Variants in IMMP2L observed in about 807,000 individuals in gnomAD.
The protein encoded by IMMP2L is inner mitochondrial membrane peptidase subunit 2.
IMMP2L carries 18 observed loss-of-function variants against 19.3 expected under a neutral mutation model. The ratio of observed to expected loss-of-function variants is 0.93; its 90% CI spans 0.64 to 1.38. The LOEUF is 1.38. IMMP2L is among the 40% of genes most tolerant of loss of function. IMMP2L has a pLI of 0.00. For synonymous variants in IMMP2L, 76 were observed against 73.0 expected, an observed-to-expected ratio of 1.04 and a Z score of -0.21; for missense variants, 233 against 218.2, an observed-to-expected ratio of 1.07 and a Z score of -0.43.
chr7:110,996,515 C>T (rs1183755268), intron 3 of IMMP2L, among the ~76,000 whole-genome samples: 1 of 152,076 alleles, frequency 6.6e-6, no homozygotes, highest in Non-Finnish European at 1.5e-5. Flanking sequence ...GCTTTATTGT[C>T]ACTGTTAAGA....
At chr7:111,493,398 C>CT (rs917472858) in intron 2 of IMMP2L, among the ~76,000 whole-genome samples, 18 of 152,082 alleles carry the variant, frequency 1.2e-4, no homozygotes, top group African/African-American at 4.3e-4. Context: ...AAAACAAAAG[C>CT]TTTATTAAAA....
At chr7:110,836,653 C>T (rs1312381784) in intron 5 of IMMP2L, among the ~76,000 whole-genome samples, 14 of 152,098 alleles carry the variant, frequency 9.2e-5, no homozygotes. Context: ...CAGACTAATA[C>T]ACCTCATAAA....
At chr7:110,908,357 C>T (rs1249736087) in intron 4 of IMMP2L, among the ~76,000 whole-genome samples, 2 of 152,100 alleles carry the variant, frequency 1.3e-5, no homozygotes, top group East Asian at 3.9e-4. Flanking sequence ...AACATCTTTC[C>T]TTTAACATGA....
chr7:111,465,325 A>G (rs1320915937), intron 3 of IMMP2L, among the ~76,000 whole-genome samples: 2 of 151,928 alleles, frequency 1.3e-5, no homozygotes, highest in Non-Finnish European at 2.9e-5. Context: ...GTCAAACACT[A>G]CACTCCCACT....
chr7:110,975,879 T>C (rs1048356844), intron 3 of IMMP2L, among the ~76,000 whole-genome samples: 47 of 152,174 alleles, frequency 3.1e-4, no homozygotes, highest in Non-Finnish European at 1.0e-4. Flanking sequence ...TGCTTACTTT[T>C]AGTCACATTA....
At position 111,198,428 on chromosome 7, in the gene IMMP2L, T is replaced by C. The variant is rs111390640; in HGVS notation, c.240-234863A>G. Among the ~76,000 whole-genome samples, 522 of 152,258 alleles carry C rather than the reference T, an allele frequency of 3.4e-3. 1 individual carries two copies. The highest frequency in any genetic ancestry group is 0.012 in the African/African-American group (494 of 41,538). On this transcript the variant is annotated intron_variant, in intron 3 of 5. Coordinates refer to ENST00000405709, the MANE Select transcript of IMMP2L (RefSeq NM_032549.4). ...CCCGTACAAGCAGTTATTATTACCC[T>C]ATGGGCTGCTGTGTGGATCAACTTA...
At position 110,728,246 on chromosome 7, in the gene IMMP2L, C is replaced by T. The variant is rs117869132; in HGVS notation, c.409-64525G>A. 5.3e-5 allele frequency among the ~76,000 whole-genome samples: 8 copies of T among 152,100 alleles called. No homozygotes were observed. Among genetic ancestry groups the T allele is most frequent in the African/African-American group, 1.4e-4 (6 of 41,410 alleles). On this transcript the variant is annotated intron_variant, in intron 5 of 5. Transcript: ENST00000405709. The surrounding 1 kb of genome is among the most constrained non-coding windows in gnomAD (Gnocchi z 4.6). ...GGGAGTGGTGGTTCACGCCTGTAAT[C>T]CCAGCAGGTTGGGAAGCCAAGGCAG...
At chr7:111,038,324 A>G (rs1367390896) in intron 3 of IMMP2L, among the ~76,000 whole-genome samples, 1 of 152,186 alleles carries the variant, frequency 6.6e-6, no homozygotes, top group Non-Finnish European at 1.5e-5. Flanking sequence ...TTGGAAGCAC[A>G]GTGGAAAAGG....
chr7:111,439,083 C>G (rs1355542720), intron 3 of IMMP2L, among the ~76,000 whole-genome samples: 1 of 151,840 alleles, frequency 6.6e-6, no homozygotes, highest in African/African-American at 2.4e-5. Flanking sequence ...CTTGACTACA[C>G]CAGGGACATA....
intron 5 of IMMP2L, among the ~76,000 whole-genome samples, chr7:110,858,251 T>A (rs1366385220): frequency 6.6e-6 from 1 of 152,080 alleles, no homozygotes; most frequent in Non-Finnish European, 1.5e-5. Flanking sequence ...CCATATCCAT[T>A]TGGGCTTGGG....
chr7:110,903,272 T>C (rs1812094726), intron 4 of IMMP2L, among the ~76,000 whole-genome samples: 1 of 152,228 alleles, frequency 6.6e-6, no homozygotes, highest in Admixed American at 6.5e-5. Flanking sequence ...CCATGAGATA[T>C]ACTCTCTCAA....
At chr7:111,547,169 A>T (rs1279744345) in intron 1 of IMMP2L, among the ~76,000 whole-genome samples, 1 of 152,238 alleles carries the variant, frequency 6.6e-6, no homozygotes, top group Non-Finnish European at 1.5e-5. Flanking sequence ...CACTTCAGTG[A>T]ACAGAGTTGA....
At chr7:111,214,871 T>C (rs28758789) in intron 3 of IMMP2L, among the ~76,000 whole-genome samples, 15,760 of 151,990 alleles carry the variant, frequency 0.1, 1,037 homozygotes, top group African/African-American at 0.18. Flanking sequence ...AGACTTGTTT[T>C]GTTTGACACA....
chr7:110,812,151 T>C (rs1351681817), intron 5 of IMMP2L, among the ~76,000 whole-genome samples: 2 of 152,072 alleles, frequency 1.3e-5, no homozygotes, highest in African/African-American at 4.8e-5. Flanking sequence ...TGGTACAATA[T>C]AGGAAGTGAA....
At chr7:110,890,825 T>A (rs879343603) in intron 4 of IMMP2L, among the ~76,000 whole-genome samples, 1 of 152,174 alleles carries the variant, frequency 6.6e-6, no homozygotes, top group Admixed American at 6.5e-5. Flanking sequence ...AAAGAATCAT[T>A]ACCTCCAGTT....
intron 3 of IMMP2L, among the ~76,000 whole-genome samples, chr7:111,464,319 T>A (rs1840411947): frequency 1.3e-5 from 2 of 152,078 alleles, no homozygotes; most frequent in Admixed American, 1.3e-4. Context: ...TGCAAAATAT[T>A]TAAAAATGAA....
At chr7:110,847,303 T>C (rs1257805434) in intron 5 of IMMP2L, among the ~76,000 whole-genome samples, 2 of 152,176 alleles carry the variant, frequency 1.3e-5, no homozygotes, top group East Asian at 3.9e-4. Flanking sequence ...GGAAAAAAAG[T>C]AGTGTAATAC....
At chr7:110,685,162 C>T (rs1470162155) in intron 5 of IMMP2L, among the ~76,000 whole-genome samples, 1 of 152,066 alleles carries the variant, frequency 6.6e-6, no homozygotes. Context: ...AATAGTGCAG[C>T]ATCCATGCTC....
intron 3 of IMMP2L, among the ~76,000 whole-genome samples, chr7:111,364,698 C>T (rs1051933123): frequency 1.3e-5 from 2 of 151,352 alleles, no homozygotes; most frequent in Non-Finnish European, 2.9e-5. Context: ...TGGCCAGGCA[C>T]GGTGACTCAC....
Sources: allele counts gnomAD v4.1 joint callset (sites outside exome capture counted in the v4.1 genomes callset), GRCh38; gene constraint gnomAD v4.1.1; non-coding constraint Gnocchi (gnomAD v3.1); transcripts MANE v1.5; gene names NCBI Gene and HGNC (gene_info 2026-07-23, HGNC 2026-07-21).